The following SNX9 variants were observed in gnomAD, a reference collection of about 807,000 sequenced individuals.
SNX9 encodes sorting nexin 9.
In SNX9, 44 loss-of-function variants were observed where a neutral mutation model predicts 89.4. That is an observed-to-expected ratio of 0.49 (90% confidence interval 0.39 to 0.63). The LOEUF is 0.63. Among genes scored for constraint, SNX9 ranks in the 30% least tolerant of loss-of-function variants. The pLI is 0.00. For missense variants in SNX9, 578 were observed against 736.1 expected (o/e 0.79, Z 2.49); for synonymous variants, 236 against 247.8 (o/e 0.95, Z 0.45).
At chr6:157,925,064 T>A (rs1199816826) in intron 10 of SNX9, among the ~76,000 whole-genome samples, 4 of 152,322 alleles carry the variant, frequency 2.6e-5, no homozygotes, top group Non-Finnish European at 4.4e-5. Flanking sequence ...ACATTAGAAC[T>A]TCTTTTTTCA....
chr6:157,894,660 G>A (rs1349662268), intron 4 of SNX9, among the ~76,000 whole-genome samples: 3 of 152,088 alleles, frequency 2.0e-5, no homozygotes, highest in African/African-American at 7.2e-5. Flanking sequence ...AAGGAATTAT[G>A]GGAGAGAAAT....
intron 17 of SNX9, 72 bp downstream of exon 17, chr6:157,941,046 A>C (rs1432291407): frequency 1.5e-6 from 2 of 1,311,490 alleles, no homozygotes; most frequent in Non-Finnish European, 2.2e-6. Context: ...TTGACCATGT[A>C]AAGTTAATCT....
chr6:157,879,216 G>A (rs1174170825), intron 4 of SNX9, among the ~76,000 whole-genome samples: 1 of 152,198 alleles, frequency 6.6e-6, no homozygotes, highest in Non-Finnish European at 1.5e-5. Flanking sequence ...GTTTCCTACG[G>A]CATTGTTTGT....
chr6:157,835,435 T>TA (rs35866781), intron 1 of SNX9, among the ~76,000 whole-genome samples: 1 of 144,528 alleles, frequency 6.9e-6, no homozygotes, highest in East Asian at 2.1e-4. Flanking sequence ...TTTTTTTAAA[T>TA]AGAGTCTTGC....
At chr6:157,923,121 T>C (rs1783616696) in intron 10 of SNX9, among the ~76,000 whole-genome samples, 1 of 152,192 alleles carries the variant, frequency 6.6e-6, no homozygotes, top group Non-Finnish European at 1.5e-5. Flanking sequence ...AAAAGTGGTA[T>C]AAGAGAAAAA....
intron 1 of SNX9, among the ~76,000 whole-genome samples, chr6:157,825,115 G>A (rs1781317123): frequency 6.6e-6 from 1 of 152,144 alleles, no homozygotes; most frequent in Admixed American, 6.5e-5. Flanking sequence ...GGGCGTGGTG[G>A]CGCGCGCCTG....
At chr6:157,870,986 A>G (rs963880855) in intron 2 of SNX9, among the ~76,000 whole-genome samples, 1 of 152,258 alleles carries the variant, frequency 6.6e-6, no homozygotes, top group Non-Finnish European at 1.5e-5. Flanking sequence ...GAACTGTGGC[A>G]GTGCCAAGAT....
intron 7 of SNX9, among the ~76,000 whole-genome samples, chr6:157,908,418 AAGAT>A (rs1199120735): frequency 1.3e-5 from 2 of 152,208 alleles, no homozygotes; most frequent in African/African-American, 4.8e-5. Context: ...TCAAGCCAAG[AAGAT>A]AGATAACATT....
At chr6:157,910,129 G>C in intron 9 of SNX9, 104 bp downstream of exon 9, 1 of 846,902 alleles carries the variant, frequency 1.2e-6, no homozygotes, top group Non-Finnish European at 2.0e-6. Flanking sequence ...TAGAGCAGCA[G>C]GATGCAGGAG....
At chr6:157,922,334 A>T (rs975884840) in intron 10 of SNX9, among the ~76,000 whole-genome samples, 2 of 152,216 alleles carry the variant, frequency 1.3e-5, no homozygotes, top group Non-Finnish European at 2.9e-5. Context: ...TTTCCTCCAC[A>T]ATTTCTCTCA....
At chr6:157,938,823 A>T in intron 16 of SNX9, 76 bp downstream of exon 16, 1 of 1,068,940 alleles carries the variant, frequency 9.4e-7, no homozygotes, top group South Asian at 1.4e-5. Flanking sequence ...GATAGAGAGA[A>T]ATCCAGATGT....
At chr6:157,880,603 G>T (rs139959862) in intron 4 of SNX9, among the ~76,000 whole-genome samples, 78 of 152,188 alleles carry the variant, frequency 5.1e-4, no homozygotes, top group Admixed American at 3.3e-3. Context: ...TTCTTTCTGT[G>T]CCCTCTTTTT....
chr6:157,892,475 GAA>G, intron 4 of SNX9, among the ~76,000 whole-genome samples: 1 of 142,034 alleles, frequency 7.0e-6, no homozygotes, highest in Admixed American at 7.0e-5. Context: ...AGCGTTCCAG[GAA>G]AAAAAAAAAC....
intron 10 of SNX9, among the ~76,000 whole-genome samples, chr6:157,926,418 CTTATATTTTAGAAAA>C (rs2115198644): frequency 6.6e-6 from 1 of 152,174 alleles, no homozygotes; most frequent in South Asian, 2.1e-4. Flanking sequence ...TGGTTTCTGT[CTTATATTTTAGAAAA>C]GCATTTACCT....
At chr6:157,929,285 C>T (rs1244387658) in intron 12 of SNX9, among the ~76,000 whole-genome samples, 4 of 152,172 alleles carry the variant, frequency 2.6e-5, no homozygotes, top group African/African-American at 7.2e-5. Context: ...CTGTGCAGCT[C>T]TGTCACCACA....
chr6:157,903,765 A>G (rs200642433), intron 6 of SNX9, among the ~76,000 whole-genome samples: 3,453 of 91,686 alleles, frequency 0.038, 62 homozygotes, highest in Non-Finnish European at 0.062. Flanking sequence ...TTATAACCTT[A>G]AGGCAAGTTT....
chr6:157,900,468 A>T (rs1238223196), intron 5 of SNX9, among the ~76,000 whole-genome samples: 1 of 152,158 alleles, frequency 6.6e-6, no homozygotes, highest in East Asian at 1.9e-4. Flanking sequence ...TCCCAGGCGG[A>T]TCGGCCCGTT....
intron 1 of SNX9, among the ~76,000 whole-genome samples, chr6:157,843,969 G>C (rs1781752383): frequency 6.8e-6 from 1 of 146,438 alleles, no homozygotes. Flanking sequence ...CCACCACCCA[G>C]GTTCAAGCAA....
chr6:157,827,556 T>TTA (rs10670695), intron 1 of SNX9, among the ~76,000 whole-genome samples: 140 of 12,060 alleles, frequency 0.012, 10 homozygotes, highest in African/African-American at 0.027. Context: ...ATATTATAGT[T>TTA]TATATAATAT....
Sources: allele counts gnomAD v4.1 joint callset (sites outside exome capture counted in the v4.1 genomes callset), GRCh38; gene constraint gnomAD v4.1.1; transcripts MANE v1.5; gene names NCBI Gene and HGNC (gene_info 2026-07-23, HGNC 2026-07-21).